Variants in NINJ2 observed in about 807,000 individuals in gnomAD.
NINJ2 encodes ninjurin 2.
A neutral mutation model predicts 11.7 loss-of-function variants in NINJ2; 12 were observed. That is an observed-to-expected ratio of 1.02 (90% CI 0.66 to 1.66). NINJ2 has a LOEUF of 1.66. Among genes scored for constraint, NINJ2 ranks in the 40% most tolerant of loss-of-function variants. The probability of loss-of-function intolerance (pLI) is 0.00; values close to 1 mark genes in which losing one functional copy is unlikely to be tolerated. For synonymous variants in NINJ2, 93 were observed against 76.8 expected (o/e 1.21, Z -1.10); for missense variants, 187 against 181.8 (o/e 1.03, Z -0.16).
intron 1 of NINJ2, among the ~76,000 whole-genome samples, chr12:618,136 G>C (rs1356262501): frequency 6.6e-6 from 1 of 150,454 alleles, no homozygotes; most frequent in Non-Finnish European, 1.5e-5. Flanking sequence ...ATCTGAACCC[G>C]TAGGAGCTCC....
intron 1 of NINJ2, among the ~76,000 whole-genome samples, chr12:605,730 T>G (rs1008030615): frequency 1.6e-4 from 24 of 152,150 alleles, no homozygotes; most frequent in African/African-American, 5.1e-4. Flanking sequence ...TGAGGGGTTT[T>G]GGGGTTTGTT....
chr12:629,439 C>A (rs1013953098), intron 1 of NINJ2, among the ~76,000 whole-genome samples: 1 of 152,262 alleles, frequency 6.6e-6, no homozygotes. Flanking sequence ...CAGTACAACC[C>A]AGGATCCTGT....
intron 1 of NINJ2, among the ~76,000 whole-genome samples, chr12:592,586 G>A (rs1476132409): frequency 6.6e-6 from 1 of 152,198 alleles, no homozygotes. Flanking sequence ...TGTAATCCCA[G>A]CTACTTGGGA....
chr12:608,643 G>C (rs1231928409), intron 1 of NINJ2, among the ~76,000 whole-genome samples: 1 of 152,210 alleles, frequency 6.6e-6, no homozygotes, highest in Non-Finnish European at 1.5e-5. Flanking sequence ...GGTGGGCAAG[G>C]GTCAGCCACA....
At chr12:657,990 T>A (rs1937895846) in intron 1 of NINJ2, among the ~76,000 whole-genome samples, 2 of 40,472 alleles carry the variant, frequency 4.9e-5, no homozygotes, top group Non-Finnish European at 5.4e-5. Flanking sequence ...TACACAGGCT[T>A]TTTTTTTTTT....
Position 633,814 on chromosome 12 carries a change from A to G in NINJ2, c.33+29514T>C, listed in dbSNP as rs1490209303. Among the ~76,000 whole-genome samples the G allele has an allele frequency of 6.6e-6, 1 of 152,132 alleles. No individual in the cohort carries two copies. The highest frequency in any genetic ancestry group is 2.4e-5 in the African/African-American group (1 of 41,438). On this transcript the variant is annotated intron_variant, in intron 1 of 3. Coordinates refer to ENST00000305108, the MANE Select transcript of NINJ2 (RefSeq NM_016533.6). This position sits in a 1 kb window ranked among gnomAD's most constrained non-coding sequence, Gnocchi z 4.3. ...TGGGTAACAGAGTGAGATTGTGTAAAAAAAACAAACCACTTTAGAGTTTTC... is the reference window on the plus strand; with the variant it reads ...TGGGTAACAGAGTGAGATTGTGTAAGAAAAACAAACCACTTTAGAGTTTTC...
At chr12:632,140 G>A (rs1948291712) in intron 1 of NINJ2, 1 of 152,196 alleles carries the variant, frequency 6.6e-6, no homozygotes, top group African/African-American at 2.4e-5. Context: ...GGGGACCCGG[G>A]AGGATGAAGT....
chr12:605,513 T>C (rs1400064668), intron 1 of NINJ2, among the ~76,000 whole-genome samples: 1 of 152,162 alleles, frequency 6.6e-6, no homozygotes, highest in Non-Finnish European at 1.5e-5. Context: ...TGAGCTGTGA[T>C]TGCACCACTG....
intron 1 of NINJ2, among the ~76,000 whole-genome samples, chr12:635,550 C>T (rs1044517651): frequency 5.3e-5 from 8 of 152,174 alleles, no homozygotes; most frequent in African/African-American, 1.9e-4. Context: ...TGAAACTGGA[C>T]CCTTACCTTA....
Position 580,494 on chromosome 12 carries a change from A to C in NINJ2, c.34-14316T>G, listed in dbSNP as rs1360862912. ...TTCCAGCTACTCGGGAGGCTGAGGC[A>C]GGAGAATCACTTGAACCTGGAGGCA... On this transcript the variant is annotated intron_variant, in intron 1 of 3. Coordinates refer to ENST00000305108, the MANE Select transcript of NINJ2 (RefSeq NM_016533.6). This position sits in a 1 kb window ranked among gnomAD's most constrained non-coding sequence, Gnocchi z 4.7. 6.6e-6 allele frequency among the ~76,000 whole-genome samples: 1 copy of C among 152,094 alleles called. No homozygotes were observed.
chr12:590,338 C>T (rs1947701223), intron 1 of NINJ2, among the ~76,000 whole-genome samples: 1 of 152,096 alleles, frequency 6.6e-6, no homozygotes, highest in African/African-American at 2.4e-5. Flanking sequence ...ATGGGACTGC[C>T]CCAAGAGAGG....
intron 1 of NINJ2, among the ~76,000 whole-genome samples, chr12:603,188 C>T (rs1201342581): frequency 3.3e-5 from 5 of 152,160 alleles, no homozygotes; most frequent in Non-Finnish European, 5.9e-5. Context: ...TGTTAAACAT[C>T]TTTTCATGTG....
At chr12:647,616 G>C (rs931816621) in intron 1 of NINJ2, among the ~76,000 whole-genome samples, 1 of 152,220 alleles carries the variant, frequency 6.6e-6, no homozygotes, top group Non-Finnish European at 1.5e-5. Context: ...TCCAGGTCTA[G>C]TGCAGGTGCT....
chr12:644,467 A>G (rs1937645407), intron 1 of NINJ2: 1 of 152,258 alleles, frequency 6.6e-6, no homozygotes, highest in Non-Finnish European at 1.5e-5. Flanking sequence ...AACTTACATC[A>G]AAATAAATAG....
Position 581,352 on chromosome 12 carries a change from T to C in NINJ2, c.34-15174A>G, listed in dbSNP as rs1947552558. On this transcript the variant is annotated intron_variant, in intron 1 of 3. Transcript: ENST00000305108. This position sits in a 1 kb window ranked among gnomAD's most constrained non-coding sequence, Gnocchi z 4.9. ...CAGGAGGTCAAGATAGAGAAGTCCC[T>C]GAGCACTGAGTCTGGGGATCAAAGC... Among the ~76,000 whole-genome samples, 1 of 152,116 alleles carries C rather than the reference T, an allele frequency of 6.6e-6. No homozygotes were observed.
At chr12:590,635 C>A (rs911754319) in intron 1 of NINJ2, 2 of 152,304 alleles carry the variant, frequency 1.3e-5, no homozygotes, top group Non-Finnish European at 2.9e-5. Flanking sequence ...CGCCTGGAAG[C>A]CTGTCAAGGG....
chr12:627,415 A>G (rs1948221818), intron 1 of NINJ2, among the ~76,000 whole-genome samples: 1 of 152,218 alleles, frequency 6.6e-6, no homozygotes, highest in Non-Finnish European at 1.5e-5. Context: ...AAATGAATGA[A>G]ATAGAGAACT....
Position 620,001 on chromosome 12 carries a change from C to T in NINJ2, c.33+43327G>A, listed in dbSNP as rs538540205. ...CTTGGCATCCTCAGCCCATGGCAGC[C>T]GTGTCATGGCTTTGTGCTCCAGTTT... On this transcript the variant is annotated intron_variant, in intron 1 of 3. Transcript: ENST00000305108. Among the ~76,000 whole-genome samples, 9 of 152,274 alleles carry T rather than the reference C, an allele frequency of 5.9e-5. 1 individual carries two copies. The South Asian group carries it at 8.3e-4, about 14-fold the overall frequency.
intron 1 of NINJ2, among the ~76,000 whole-genome samples, chr12:579,603 C>T (rs1162411863): frequency 1.3e-5 from 2 of 152,180 alleles, no homozygotes; most frequent in African/African-American, 2.4e-5. Context: ...TGCGGATTCA[C>T]CGAGCCCAGG....
Sources: allele counts gnomAD v4.1 joint callset (sites outside exome capture counted in the v4.1 genomes callset), GRCh38; gene constraint gnomAD v4.1.1; non-coding constraint Gnocchi (gnomAD v3.1); transcripts MANE v1.5; gene names NCBI Gene and HGNC (gene_info 2026-07-23, HGNC 2026-07-21).